The following YPEL2 variants were observed in gnomAD, a reference collection of about 807,000 sequenced individuals.
YPEL2 encodes the protein yippee like 2.
YPEL2 carries 2 observed loss-of-function variants against 19.1 expected under a neutral mutation model. The ratio of observed to expected loss-of-function variants is 0.10; its 90% CI spans 0.04 to 0.33. The LOEUF is 0.33. Among genes scored for constraint, YPEL2 ranks in the 10% least tolerant of loss-of-function variants. The pLI is 1.00. For synonymous variants in YPEL2, 52 were observed against 50.0 expected, an observed-to-expected ratio of 1.04 and a Z score of -0.17; for missense variants, 66 against 140.7, an observed-to-expected ratio of 0.47 and a Z score of 2.68.
At chr17:59,390,199 A>G (rs943283941) in intron 4 of YPEL2, among the ~76,000 whole-genome samples, 1 of 151,908 alleles carries the variant, frequency 6.6e-6, no homozygotes, top group African/African-American at 2.4e-5. Flanking sequence ...ACAGGATTTC[A>G]CCATGTTGGC....
intron 2 of YPEL2, among the ~76,000 whole-genome samples, chr17:59,366,324 G>T (rs1028142702): frequency 1.3e-5 from 2 of 152,096 alleles, no homozygotes; most frequent in Non-Finnish European, 2.9e-5. Context: ...GTACCCTTTG[G>T]TTCCTGGAAG....
chr17:59,380,098 T>C (rs1010939560), intron 2 of YPEL2, among the ~76,000 whole-genome samples: 1 of 151,168 alleles, frequency 6.6e-6, no homozygotes, highest in Non-Finnish European at 1.5e-5. Context: ...CGACCTCAAG[T>C]GATCACCTGC....
intron 4 of YPEL2, among the ~76,000 whole-genome samples, chr17:59,393,184 A>G (rs781588590): frequency 6.6e-6 from 1 of 152,130 alleles, no homozygotes; most frequent in Non-Finnish European, 1.5e-5. Context: ...GCTGGACTGC[A>G]GTGGTGCAGT....
At chr17:59,345,819 T>C (rs2147936734) in intron 1 of YPEL2, among the ~76,000 whole-genome samples, 1 of 152,320 alleles carries the variant, frequency 6.6e-6, no homozygotes, top group Non-Finnish European at 1.5e-5. Context: ...CTGGGTGCTG[T>C]GCTGAATACT....
intron 2 of YPEL2, among the ~76,000 whole-genome samples, chr17:59,362,322 G>A (rs1404743991): frequency 6.6e-6 from 1 of 151,684 alleles, no homozygotes; most frequent in Non-Finnish European, 1.5e-5. Context: ...GGGGAATTGG[G>A]TTCAGGAAGT....
At chr17:59,364,646 C>G (rs930957462) in intron 2 of YPEL2, among the ~76,000 whole-genome samples, 1 of 135,438 alleles carries the variant, frequency 7.4e-6, no homozygotes, top group African/African-American at 2.8e-5. Context: ...GAGACAGAGT[C>G]TCGCTCTATC....
chr17:59,333,140 GGCTGAGTCTT>G (rs1348533283), intron 1 of YPEL2, among the ~76,000 whole-genome samples: 1 of 152,238 alleles, frequency 6.6e-6, no homozygotes, highest in Admixed American at 6.5e-5. Flanking sequence ...GCCTATGAAT[GGCTGAGTCTT>G]GCCTCCGGTG....
intron 2 of YPEL2, among the ~76,000 whole-genome samples, chr17:59,361,856 G>C (rs901080545): frequency 6.6e-6 from 1 of 152,194 alleles, no homozygotes; most frequent in African/African-American, 2.4e-5. Context: ...ATTGAAGTGT[G>C]CCTGGAAGCA....
chr17:59,353,378 C>T lies in YPEL2; in HGVS notation c.-32C>T, dbSNP rs1343549005. On this transcript the variant is annotated 5_prime_UTR_variant, in exon 2 of 5. Coordinates refer to ENST00000312655, the MANE Select transcript of YPEL2 (RefSeq NM_001005404.4). The surrounding 1 kb of genome is among the most constrained non-coding windows in gnomAD (Gnocchi z 4.8). ...TCCTGTGGGAGTGCCTCGTGGGCTG[C>T]CCCAGAGTTCACCCCACACTCAGCA... 2 of 1,493,880 alleles carry T rather than the reference C, an allele frequency of 1.3e-6. No homozygotes were observed. Among genetic ancestry groups the T allele is most frequent in the Admixed American group, 1.9e-5 (1 of 53,722 alleles). 92.5% of individuals were successfully genotyped at this position (1,493,880 alleles called of 1,614,324 possible).
intron 1 of YPEL2, among the ~76,000 whole-genome samples, chr17:59,335,463 C>T (rs902079378): frequency 1.3e-5 from 2 of 152,038 alleles, no homozygotes; most frequent in Non-Finnish European, 2.9e-5. Flanking sequence ...GAGAAAAGCT[C>T]GCCTTTCTGA....
At chr17:59,393,515 T>C (rs2048019339) in intron 4 of YPEL2, among the ~76,000 whole-genome samples, 1 of 149,756 alleles carries the variant, frequency 6.7e-6, no homozygotes, top group African/African-American at 2.4e-5. Flanking sequence ...TTTTATTTTA[T>C]TTATTTATTT....
In YPEL2 at chr17:59,399,156, G is replaced by A. The variant is rs1229772253; in HGVS notation, c.*1966G>A. The A allele has an allele frequency of 6.6e-6, 1 of 152,594 alleles. No homozygotes were observed. The highest frequency in any genetic ancestry group is 1.5e-5 in the Non-Finnish European group (1 of 68,046). 9.5% of individuals were successfully genotyped at this position (152,594 alleles called of 1,614,324 possible). On this transcript the variant is annotated 3_prime_UTR_variant, in exon 5 of 5. Transcript: ENST00000312655. ...GAAGAATAGTTTCTCTGGCTCACAGGCCCAAGTTCTCAATGAAATCGTTTT... is the reference window on the plus strand; with the variant it reads ...GAAGAATAGTTTCTCTGGCTCACAGACCCAAGTTCTCAATGAAATCGTTTT...
chr17:59,354,980 T>TG (rs200678859), intron 2 of YPEL2: 1 of 151,140 alleles, frequency 6.6e-6, no homozygotes, highest in African/African-American at 2.4e-5. Context: ...TTTTTTTTTT[T>TG]TCCCCCCCTT....
chr17:59,400,542 A>G lies in YPEL2; in HGVS notation c.*3352A>G, dbSNP rs1047210002. ...TAATCTGGATCAAGGCTTTGAAGCA[A>G]TGCCTCTCTGCATTTTTTCCCCAGT... On this transcript the variant is annotated 3_prime_UTR_variant, in exon 5 of 5. Coordinates refer to ENST00000312655, the MANE Select transcript of YPEL2 (RefSeq NM_001005404.4). 2 of 151,952 alleles carry G rather than the reference A, an allele frequency of 1.3e-5. No homozygotes were observed. Among genetic ancestry groups the G allele is most frequent in the Non-Finnish European group, 2.9e-5 (2 of 67,982 alleles). The allele number at this position is 151,952 out of a possible 1,614,324, so 9.4% of individuals were successfully genotyped here. A position where few individuals can be genotyped will look rare whatever the true frequency, so the allele number is the denominator to read the frequency against.
At chr17:59,371,335 T>C (rs2047896245) in intron 2 of YPEL2, among the ~76,000 whole-genome samples, 1 of 152,238 alleles carries the variant, frequency 6.6e-6, no homozygotes, top group Non-Finnish European at 1.5e-5. Context: ...AGTATCGTGT[T>C]GGATGGGGCA....
intron 2 of YPEL2, among the ~76,000 whole-genome samples, chr17:59,385,618 G>A (rs946267824): frequency 6.6e-6 from 1 of 152,064 alleles, no homozygotes; most frequent in Admixed American, 6.5e-5. Flanking sequence ...GTGACAGAAA[G>A]CTGTAATCGC....
At chr17:59,339,059 T>C (rs2047713802) in intron 1 of YPEL2, among the ~76,000 whole-genome samples, 1 of 151,976 alleles carries the variant, frequency 6.6e-6, no homozygotes, top group South Asian at 2.1e-4. Flanking sequence ...CTGTTTTTGC[T>C]TTTTCCTTTG....
chr17:59,370,248 A>G (rs1490255648), intron 2 of YPEL2, among the ~76,000 whole-genome samples: 31 of 152,104 alleles, frequency 2.0e-4, no homozygotes, highest in Admixed American at 2.0e-3. Flanking sequence ...ATTTTTTAGT[A>G]GAGACGGGGT....
intron 4 of YPEL2, among the ~76,000 whole-genome samples, chr17:59,395,602 C>T (rs998479367): frequency 2.6e-5 from 4 of 152,124 alleles, no homozygotes; most frequent in Admixed American, 6.5e-5. Context: ...CCTCTGGGGG[C>T]CTGGCAGTTA....
Sources: gnomAD v4.1 joint callset for allele counts (sites outside exome capture counted in the v4.1 genomes callset) on GRCh38, gnomAD v4.1.1 for gene constraint, Gnocchi (gnomAD v3.1) non-coding constraint, MANE v1.5 for transcripts, NCBI Gene and HGNC (gene_info 2026-07-23, HGNC 2026-07-21) for gene names.